CD226: variants seen among roughly 807,000 people sequenced by gnomAD.
CD226 encodes the protein CD226 molecule.
CD226 carries 24 observed loss-of-function variants against 34.9 expected under a neutral mutation model. That is an observed-to-expected ratio of 0.69 (90% confidence interval 0.50 to 0.97). The LOEUF is 0.97. Among genes scored for constraint, CD226 ranks in the 50% least tolerant of loss-of-function variants. CD226 has a pLI of 0.00. For synonymous variants in CD226, 148 were observed against 147.4 expected (o/e 1.00, Z -0.03); for missense variants, 397 against 412.7 (o/e 0.96, Z 0.33).
intron 2 of CD226, among the ~76,000 whole-genome samples, chr18:69,906,434 A>T (rs1049241519): frequency 6.6e-6 from 1 of 152,230 alleles, no homozygotes; most frequent in Admixed American, 6.5e-5. Context: ...TGCAGGCAAA[A>T]GACATGACCT....
intron 2 of CD226, among the ~76,000 whole-genome samples, chr18:69,933,889 T>C (rs2055618898): frequency 6.6e-6 from 1 of 152,206 alleles, no homozygotes; most frequent in Admixed American, 6.5e-5. Context: ...TATTAAATGT[T>C]TGCTCTTTCC....
chr18:69,949,700 T>C (rs1184923229), upstream of CD226, among the ~76,000 whole-genome samples: 1 of 151,414 alleles, frequency 6.6e-6, no homozygotes, highest in East Asian at 1.9e-4. Context: ...CAGTCTCACA[T>C]ATGCACCCAC....
At chr18:69,928,692 C>A (rs11661227) in intron 2 of CD226, among the ~76,000 whole-genome samples, 115,835 of 151,838 alleles carry the variant, frequency 0.76, 51,349 homozygotes, top group East Asian at 1. Flanking sequence ...AATCTGAAAT[C>A]TAAAATGCTC....
In CD226 at chr18:69,860,922, C is replaced by T. The variant is rs1982780674; in HGVS notation, c.*3392G>A. The stretch of plus-strand genomic sequence containing the variant: ...TTGCTGAAATTTCATATAAGCAGTA[C>T]AAAATACAGTACATCATTATAAATC... On this transcript the variant is annotated 3_prime_UTR_variant, in exon 6 of 6. Coordinates refer to ENST00000582621, the MANE Select transcript of CD226 (RefSeq NM_001303618.2). 7 of 151,962 alleles carry T rather than the reference C, an allele frequency of 4.6e-5. No homozygotes were observed. Among genetic ancestry groups the T allele is most frequent in the Admixed American group, 4.6e-4 (7 of 15,260 alleles). 9.4% of individuals were successfully genotyped at this position (151,962 alleles called of 1,614,324 possible). A position where few individuals can be genotyped will look rare whatever the true frequency, so the allele number is the denominator to read the frequency against.
intron 2 of CD226, among the ~76,000 whole-genome samples, chr18:69,898,534 G>A (rs1462046611): frequency 6.6e-6 from 1 of 152,156 alleles, no homozygotes; most frequent in Non-Finnish European, 1.5e-5. Context: ...GGGGAGCAAA[G>A]TGCAGGGAGG....
At chr18:69,873,864 CTA>C in intron 3 of CD226, among the ~76,000 whole-genome samples, 1 of 152,092 alleles carries the variant, frequency 6.6e-6, no homozygotes, top group Admixed American at 6.5e-5. Flanking sequence ...GAGAGAGACT[CTA>C]TGTAAAAATA....
At chr18:69,957,000 T>C (rs2055903511), upstream of CD226, 2 of 152,208 alleles carry the variant, frequency 1.3e-5, no homozygotes, top group African/African-American at 4.8e-5. Flanking sequence ...AGATAGCAAC[T>C]GAAGTGAATC....
At chr18:69,934,287 C>T (rs1327818653) in intron 2 of CD226, among the ~76,000 whole-genome samples, 10 of 151,692 alleles carry the variant, frequency 6.6e-5, no homozygotes, top group East Asian at 3.9e-4. Context: ...GATACACACA[C>T]ACACACACAC....
intron 2 of CD226, among the ~76,000 whole-genome samples, chr18:69,914,226 C>T (rs1003394799): frequency 1.3e-5 from 2 of 152,172 alleles, no homozygotes; most frequent in Non-Finnish European, 2.9e-5. Flanking sequence ...AACTACTCTA[C>T]GACCTTGACA....
intron 4 of CD226, 61 bp from the exon 5 acceptor site, chr18:69,867,472 G>T: frequency 9.2e-7 from 1 of 1,088,906 alleles, no homozygotes; most frequent in Non-Finnish European, 1.4e-6. Context: ...ATATTATTTC[G>T]AAGACTCTAT....
chr18:69,959,596 C>G (rs568704714), upstream of CD226, among the ~76,000 whole-genome samples: 1 of 151,996 alleles, frequency 6.6e-6, no homozygotes, highest in African/African-American at 2.4e-5. Context: ...CAAGGTGACC[C>G]GAGTTTCTCT....
chr18:69,872,742 C>T (rs1983613240), intron 4 of CD226, among the ~76,000 whole-genome samples: 1 of 152,164 alleles, frequency 6.6e-6, no homozygotes, highest in African/African-American at 2.4e-5. Context: ...CACTGCTGTG[C>T]ACAATAAATA....
intron 5 of CD226, among the ~76,000 whole-genome samples, chr18:69,864,854 C>T (rs1401560198): frequency 2.0e-5 from 3 of 152,070 alleles, no homozygotes; most frequent in South Asian, 4.1e-4. Flanking sequence ...TCTTCTCTAC[C>T]GTAATCAAGT....
intron 2 of CD226, among the ~76,000 whole-genome samples, chr18:69,898,344 C>T (rs1985419702): frequency 6.6e-6 from 1 of 152,180 alleles, no homozygotes; most frequent in African/African-American, 2.4e-5. Flanking sequence ...CTGGATGCCG[C>T]CCCGTCCAAT....
rs189871621 is a variant in CD226 at position 69,857,862 on chromosome 18, T to C, written c.*6452A>G. 2.2e-4 allele frequency: 33 copies of C among 152,340 alleles called. No homozygotes were observed. Among genetic ancestry groups the C allele is most frequent in the African/African-American group, 7.5e-4 (31 of 41,584 alleles). 9.4% of individuals were successfully genotyped at this position (152,340 alleles called of 1,614,324 possible). A position where few individuals can be genotyped will look rare whatever the true frequency, so the allele number is the denominator to read the frequency against. ...ATACACAGTATAATTTTGTGGCATT[T>C]TGATTACAAGTTTTCCATTTAAAAA... On this transcript the variant is annotated 3_prime_UTR_variant, in exon 6 of 6. Transcript: ENST00000582621.
At position 69,863,175 on chromosome 18, in the gene CD226, T is replaced by C. The variant is rs572702873; in HGVS notation, c.*1139A>G. ...TGTTGCCTGTACCCTCCCAATTTCT[T>C]TTTTCCCTCCCAAATTTCTACCCTA... On this transcript the variant is annotated 3_prime_UTR_variant, in exon 6 of 6. Transcript: ENST00000582621. 6.6e-6 allele frequency: 1 copy of C among 152,212 alleles called. No homozygotes were observed. The highest frequency in any genetic ancestry group is 1.9e-4 in the East Asian group (1 of 5,182). 9.4% of individuals were successfully genotyped at this position (152,212 alleles called of 1,614,324 possible).
intron 2 of CD226, among the ~76,000 whole-genome samples, chr18:69,937,846 C>T (rs2055673876): frequency 6.6e-6 from 1 of 152,206 alleles, no homozygotes; most frequent in Non-Finnish European, 1.5e-5. Flanking sequence ...TCCCTTTCAT[C>T]ATAGGATTCC....
At chr18:69,921,142 A>G (rs2145309399) in intron 2 of CD226, among the ~76,000 whole-genome samples, 1 of 152,188 alleles carries the variant, frequency 6.6e-6, no homozygotes, top group African/African-American at 2.4e-5. Flanking sequence ...ACCAGTTTCA[A>G]TACTTGGAGC....
At chr18:69,890,396 T>C (rs1361276174) in intron 3 of CD226, among the ~76,000 whole-genome samples, 2 of 151,938 alleles carry the variant, frequency 1.3e-5, no homozygotes, top group Non-Finnish European at 2.9e-5. Context: ...AGGACCATCC[T>C]TGAAACCCCA....
Sources: allele counts gnomAD v4.1 joint callset (sites outside exome capture counted in the v4.1 genomes callset), GRCh38; gene constraint gnomAD v4.1.1; transcripts MANE v1.5; gene names NCBI Gene and HGNC (gene_info 2026-07-23, HGNC 2026-07-21).